Variants in SEPTIN10 observed in about 807,000 individuals in gnomAD.
SEPTIN10 encodes septin-10.
SEPTIN10 carries 66 observed loss-of-function variants against 54.8 expected under a neutral mutation model. That is an observed-to-expected ratio of 1.21 (90% CI 0.99 to 1.48). The LOEUF (loss-of-function observed/expected upper bound fraction) is 1.48, where lower values mean the gene tolerates loss of function less well. Among genes scored for constraint, SEPTIN10 ranks in the 40% most tolerant of loss-of-function variants. The pLI, the probability that SEPTIN10 is intolerant of heterozygous loss-of-function variation, is 0.00. For missense variants in SEPTIN10, 620 were observed against 545.6 expected (o/e 1.14, Z -1.36); for synonymous variants, 161 against 181.0 (o/e 0.89, Z 0.89).
Position 109,613,920 on chromosome 2 carries a change from GC to G in SEPTIN10, c.-94del, listed in dbSNP as rs1157135537. The G allele has an allele frequency of 9.7e-4, 1,181 of 1,220,252 alleles. 2 individuals are homozygous for G. Among genetic ancestry groups the G allele is most frequent in the Non-Finnish European group, 1.1e-3 (1,117 of 980,788 alleles). The allele number at this position is 1,220,252 out of a possible 1,614,324, so 75.6% of individuals were successfully genotyped here. ...GCGGCGGGAAGGCCGGAGGGCAGAA[GC>G]AACGGGCGGGGCGCGAGGCTAGGCT... On this transcript the variant is annotated 5_prime_UTR_variant, in exon 1 of 11. Transcript: ENST00000397712.
At chr2:109,570,650 T>G (rs1050464035) in intron 5 of SEPTIN10, among the ~76,000 whole-genome samples, 5 of 151,034 alleles carry the variant, frequency 3.3e-5, no homozygotes, top group Non-Finnish European at 5.9e-5. Flanking sequence ...GCCTCCCGAG[T>G]AGCTGGGATT....
At chr2:109,563,660 A>G (rs1199737934) in intron 8 of SEPTIN10, among the ~76,000 whole-genome samples, 1 of 152,214 alleles carries the variant, frequency 6.6e-6, no homozygotes, top group African/African-American at 2.4e-5. Context: ...GGAAGGGTTC[A>G]GATTCTAAAA....
rs750577834 is a variant in SEPTIN10 at position 109,545,996 on chromosome 2, G to A, written c.1349+54C>T. On this transcript the variant is annotated intron_variant, in intron 10 of 10. Transcript: ENST00000397712. ...AAGAAGCGCTAGGAAGATCCGACAG[G>A]GCAATGTGACAAGTGTGGGCAGGGC... The A allele has an allele frequency of 5.3e-6, 8 of 1,518,436 alleles. No homozygotes were observed. The South Asian group carries it at 1.1e-4, about 20-fold the overall frequency. 94.1% of individuals were successfully genotyped at this position (1,518,436 alleles called of 1,614,324 possible).
chr2:109,609,014 A>C (rs922447178), intron 1 of SEPTIN10, among the ~76,000 whole-genome samples: 1 of 152,242 alleles, frequency 6.6e-6, no homozygotes, highest in Non-Finnish European at 1.5e-5. Context: ...ATTTAAGAGC[A>C]TCCTTCTCCT....
At chr2:109,569,366 G>A (rs1001517766) in intron 5 of SEPTIN10, among the ~76,000 whole-genome samples, 24 of 151,444 alleles carry the variant, frequency 1.6e-4, no homozygotes, top group African/African-American at 4.6e-4. Context: ...AGGAGGCAGA[G>A]GTTGCAGTGA....
intron 1 of SEPTIN10, among the ~76,000 whole-genome samples, chr2:109,607,093 C>T (rs564519162): frequency 2.6e-5 from 4 of 152,188 alleles, no homozygotes; most frequent in Non-Finnish European, 4.4e-5. Context: ...CCATGGCCAT[C>T]GCTTCGTTTA....
chr2:109,571,012 G>A (rs1688237379), intron 5 of SEPTIN10, among the ~76,000 whole-genome samples: 6 of 152,128 alleles, frequency 3.9e-5, no homozygotes, highest in Admixed American at 3.9e-4. Context: ...GGATCATGGG[G>A]ACAGAGTTGT....
At chr2:109,554,663 AT>A (rs912835124) in intron 8 of SEPTIN10, among the ~76,000 whole-genome samples, 1 of 152,110 alleles carries the variant, frequency 6.6e-6, no homozygotes, top group African/African-American at 2.4e-5. Flanking sequence ...CCGGGAATCA[AT>A]TTTTTTTCTT....
intron 2 of SEPTIN10, among the ~76,000 whole-genome samples, chr2:109,587,451 G>T (rs1400321298): frequency 6.6e-6 from 1 of 152,000 alleles, no homozygotes; most frequent in Non-Finnish European, 1.5e-5. Flanking sequence ...AGGTGAAAGT[G>T]GGGGGTAGGA....
chr2:109,591,670 A>G (rs1009998703), intron 2 of SEPTIN10, among the ~76,000 whole-genome samples: 5 of 151,988 alleles, frequency 3.3e-5, no homozygotes, highest in African/African-American at 1.2e-4. Context: ...GCGGAGGCAG[A>G]TGGATCACTT....
At chr2:109,578,193 G>A (rs1690176180) in intron 4 of SEPTIN10, among the ~76,000 whole-genome samples, 1 of 152,108 alleles carries the variant, frequency 6.6e-6, no homozygotes, top group African/African-American at 2.4e-5. Context: ...AAATATGTCG[G>A]TAATTACATT....
At chr2:109,545,027 C>A (rs1178731211) in intron 10 of SEPTIN10, 1 of 985,304 alleles carries the variant, frequency 1.0e-6, no homozygotes. Flanking sequence ...AAATTGAAAG[C>A]CACCAATGGG....
At chr2:109,565,931 A>G in intron 6 of SEPTIN10, 72 bp from the exon 7 acceptor site, 2 of 1,274,958 alleles carry the variant, frequency 1.6e-6, no homozygotes, top group African/African-American at 2.9e-5. Context: ...ATTTTATGTG[A>G]GAGAGAAGAG....
chr2:109,564,276 A>G, intron 8 of SEPTIN10, 90 bp downstream of exon 8: 1 of 1,202,756 alleles, frequency 8.3e-7, no homozygotes, highest in Non-Finnish European at 1.1e-6. Context: ...GAGATTCTAA[A>G]GAACACATGC....
intron 9 of SEPTIN10, among the ~76,000 whole-genome samples, chr2:109,550,382 G>A (rs1237396446): frequency 1.3e-5 from 2 of 150,286 alleles, no homozygotes; most frequent in African/African-American, 4.9e-5. Flanking sequence ...GCATAATCTT[G>A]GCTCACTGCA....
chr2:109,590,664 G>T lies in SEPTIN10; in HGVS notation c.99+2387C>A, dbSNP rs1296769304. 2.6e-5 allele frequency among the ~76,000 whole-genome samples: 4 copies of T among 152,136 alleles called. No individual in the cohort carries two copies. The East Asian group carries it at 5.8e-4, about 22-fold the overall frequency. ...GGCTGGTCTCGAACTCTTGACCTCA[G>T]GTGATCCACTCGTCTGGGCCTCCCA... is the stretch of plus-strand genomic sequence containing the variant. On this transcript the variant is annotated intron_variant, in intron 2 of 10. Coordinates refer to ENST00000397712, the MANE Select transcript of SEPTIN10 (RefSeq NM_144710.5).
chr2:109,596,909 T>C (rs1290481097), intron 1 of SEPTIN10, among the ~76,000 whole-genome samples: 1 of 152,210 alleles, frequency 6.6e-6, no homozygotes, highest in Non-Finnish European at 1.5e-5. Context: ...ACAAGTTTAA[T>C]ACTGGAAAAG....
intron 4 of SEPTIN10, among the ~76,000 whole-genome samples, chr2:109,583,615 C>T (rs1315725951): frequency 2.0e-5 from 3 of 152,144 alleles, no homozygotes; most frequent in African/African-American, 4.8e-5. Context: ...AACTACCATT[C>T]GACCCAGCTA....
chr2:109,599,663 G>C (rs1178915892), intron 1 of SEPTIN10, among the ~76,000 whole-genome samples: 1 of 152,002 alleles, frequency 6.6e-6, no homozygotes, highest in African/African-American at 2.4e-5. Context: ...AAAGTTAAAG[G>C]ATAACTGCAA....
Sources: allele counts gnomAD v4.1 joint callset (sites outside exome capture counted in the v4.1 genomes callset), GRCh38; gene constraint gnomAD v4.1.1; transcripts MANE v1.5; gene names NCBI Gene and HGNC (gene_info 2026-07-23, HGNC 2026-07-21).